Variants in GJA1 observed in about 807,000 individuals in gnomAD.
GJA1 encodes gap junction protein alpha 1.
In GJA1, 9 loss-of-function variants were observed where a neutral mutation model predicts 31.0. That is an observed-to-expected ratio of 0.29 (90% CI 0.17 to 0.51). GJA1 has a LOEUF of 0.51. GJA1 is among the 20% of genes least tolerant of loss of function. GJA1 has a pLI of 0.98. For missense variants in GJA1, 278 were observed against 468.8 expected (o/e 0.59, Z 3.76); for synonymous variants, 186 against 180.1 (o/e 1.03, Z -0.26).
chr6:121,448,156 A>C lies in GJA1; in HGVS notation c.*160A>C, dbSNP rs1470198026. 4.2e-6 allele frequency: 3 copies of C among 714,362 alleles called. No homozygotes were observed. The highest frequency in any genetic ancestry group is 7.6e-6 in the Non-Finnish European group (3 of 392,314). 44.3% of individuals were successfully genotyped at this position (714,362 alleles called of 1,614,324 possible). A position where few individuals can be genotyped will look rare whatever the true frequency, so the allele number is the denominator to read the frequency against. ...CAAAGACATTAGAATACCTAGGTTC[A>C]CTGGGGGTGTATGGGGTAGATGGGT... On this transcript the variant is annotated 3_prime_UTR_variant, in exon 2 of 2. Transcript: ENST00000282561.
intron 1 of GJA1, among the ~76,000 whole-genome samples, chr6:121,446,371 T>C (rs938711331): frequency 6.6e-5 from 10 of 152,248 alleles, no homozygotes; most frequent in Admixed American, 2.0e-4. Context: ...AAGAAGGTTA[T>C]GGATGTGTGT....
At chr6:121,437,573 AGCCT>A (rs1046671204) in intron 1 of GJA1, among the ~76,000 whole-genome samples, 3 of 152,000 alleles carry the variant, frequency 2.0e-5, no homozygotes, top group African/African-American at 7.3e-5. Context: ...GGGGCAAGTC[AGCCT>A]GTTTCCGAGA....
chr6:121,444,028 ACTT>A (rs1773842529), intron 1 of GJA1, among the ~76,000 whole-genome samples: 1 of 152,068 alleles, frequency 6.6e-6, no homozygotes. Flanking sequence ...CATGGACTAT[ACTT>A]CTTCATTTCC....
intron 1 of GJA1, among the ~76,000 whole-genome samples, chr6:121,441,092 G>A (rs553822751): frequency 1.3e-5 from 2 of 152,234 alleles, no homozygotes; most frequent in South Asian, 2.1e-4. Context: ...ACAGGTGCCC[G>A]CCACCACGCC....
chr6:121,441,566 A>T (rs1773791920), intron 1 of GJA1, among the ~76,000 whole-genome samples: 1 of 152,174 alleles, frequency 6.6e-6, no homozygotes, highest in Non-Finnish European at 1.5e-5. Flanking sequence ...TTTAAAAACC[A>T]GGGCAAAGGG....
rs577986251 is a variant in GJA1, at chr6:121,448,849, C to T, written c.*853C>T. The T allele has an allele frequency of 1.8e-5, 3 of 166,744 alleles. No homozygotes were observed. Among genetic ancestry groups the T allele is most frequent in the Non-Finnish European group, 4.4e-5 (3 of 68,082 alleles). 10.3% of individuals were successfully genotyped at this position (166,744 alleles called of 1,614,324 possible). ...GTGTCGAAGAGTTTGTTTTGTTTGT[C>T]ATGTATTGGTACAAGCAGATACAGT... On this transcript the variant is annotated 3_prime_UTR_variant, in exon 2 of 2. Transcript: ENST00000282561.
chr6:121,442,764 A>G (rs1773815132), intron 1 of GJA1, among the ~76,000 whole-genome samples: 1 of 152,224 alleles, frequency 6.6e-6, no homozygotes, highest in Non-Finnish European at 1.5e-5. Context: ...GAGGAGCCTC[A>G]GGCTGGTCAC....
intron 1 of GJA1, among the ~76,000 whole-genome samples, chr6:121,439,663 TCA>T (rs1405546808): frequency 6.6e-6 from 1 of 152,104 alleles, no homozygotes; most frequent in Non-Finnish European, 1.5e-5. Context: ...ATGGAGTTCC[TCA>T]CACCTCAATT....
chr6:121,446,928 A>T lies in GJA1; in HGVS notation c.81A>T (p.Ser27=). ...CTGCTGGAGGGAAGGTGTGGCTGTC[A>T]GTACTTTTCATTTTCCGAATCCTGC... ...YSTAGGKVWL[S]VLFIFRILLL... The change falls in exon 2 of 2, where the codon TCA becomes TCT. Residue 27 remains serine (S), a synonymous_variant. Coordinates refer to ENST00000282561, the MANE Select transcript of GJA1 (RefSeq NM_000165.5). 1.2e-6 allele frequency: 2 copies of T among 1,613,902 alleles called. No individual in the cohort carries two copies. Among genetic ancestry groups the T allele is most frequent in the Non-Finnish European group, 1.7e-6 (2 of 1,179,746 alleles).
chr6:121,439,907 A>G (rs1244071354), intron 1 of GJA1, among the ~76,000 whole-genome samples: 1 of 152,222 alleles, frequency 6.6e-6, no homozygotes, highest in East Asian at 1.9e-4. Flanking sequence ...ATAAGGAAGT[A>G]AAGGTTGGGT....
At chr6:121,446,384 A>G (rs960754492) in intron 1 of GJA1, among the ~76,000 whole-genome samples, 2 of 152,246 alleles carry the variant, frequency 1.3e-5, no homozygotes, top group African/African-American at 4.8e-5. Flanking sequence ...ATGTGTGTTT[A>G]TAGGTATTCT....
At chr6:121,446,751 G>A in intron 1 of GJA1, 81 bp from the exon 2 acceptor site, 1 of 915,308 alleles carries the variant, frequency 1.1e-6, no homozygotes. Context: ...GTAGTATTTT[G>A]ACTATCACCT....
At chr6:121,437,761 A>G (rs3805787) in intron 1 of GJA1, among the ~76,000 whole-genome samples, 30,585 of 152,090 alleles carry the variant, frequency 0.2, 3,899 homozygotes, top group Admixed American at 0.38. Flanking sequence ...GAGCTACACA[A>G]TGTTGTAAAA....
chr6:121,436,174 A>C, intron 1 of GJA1, among the ~76,000 whole-genome samples: 1 of 46,666 alleles, frequency 2.1e-5, no homozygotes, highest in Non-Finnish European at 3.3e-5. Flanking sequence ...AGGTGCTATC[A>C]TTTGTTGGGT....
At chr6:121,436,212 T>G (rs1773661311) in intron 1 of GJA1, among the ~76,000 whole-genome samples, 5 of 128,376 alleles carry the variant, frequency 3.9e-5, no homozygotes, top group East Asian at 2.4e-4. Flanking sequence ...GCGCCTGGGT[T>G]GGGGGATTTG....
At chr6:121,441,117 G>A (rs973665860) in intron 1 of GJA1, among the ~76,000 whole-genome samples, 5 of 151,996 alleles carry the variant, frequency 3.3e-5, no homozygotes, top group African/African-American at 4.8e-5. Context: ...TAATTTTTTT[G>A]TATTTTTTTT....
At chr6:121,440,334 A>C (rs1407104365) in intron 1 of GJA1, among the ~76,000 whole-genome samples, 1 of 152,144 alleles carries the variant, frequency 6.6e-6, no homozygotes, top group East Asian at 1.9e-4. Context: ...CATTTAACAA[A>C]TTCAGGAAGC....
chr6:121,447,111 C>T lies in GJA1; in HGVS notation c.264C>T (p.Pro88=), dbSNP rs766836780. 11 of 1,613,964 alleles carry T rather than the reference C, an allele frequency of 6.8e-6. No homozygotes were observed. Among genetic ancestry groups the T allele is most frequent in the Non-Finnish European group, 9.3e-6 (11 of 1,179,874 alleles). Residue 88 remains proline, a synonymous_variant, in exon 2 of 2, where the codon CCC becomes CCT. Coordinates refer to ENST00000282561, the MANE Select transcript of GJA1 (RefSeq NM_000165.5). ...WVLQIIFVSV[P]TLLYLAHVFY... The stretch of plus-strand genomic sequence containing the variant: ...TGCAGATCATATTTGTGTCTGTACC[C>T]ACACTCTTGTACCTGGCTCATGTGT...
At chr6:121,438,178 T>G (rs984386162) in intron 1 of GJA1, among the ~76,000 whole-genome samples, 1 of 152,212 alleles carries the variant, frequency 6.6e-6, no homozygotes, top group African/African-American at 2.4e-5. Context: ...GGGGGTGCTT[T>G]GTACTTCCCA....
Sources: gnomAD v4.1 joint callset for allele counts (sites outside exome capture counted in the v4.1 genomes callset) on GRCh38, gnomAD v4.1.1 for gene constraint, MANE v1.5 for transcripts, NCBI Gene and HGNC (gene_info 2026-07-23, HGNC 2026-07-21) for gene names.